SMG8: variants seen among roughly 807,000 people sequenced by gnomAD.
SMG8 encodes nonsense-mediated mRNA decay factor SMG8.
In SMG8, 49 loss-of-function variants were observed where a neutral mutation model predicts 82.1. The ratio of observed to expected loss-of-function variants is 0.60; its 90% CI spans 0.47 to 0.76. The LOEUF (loss-of-function observed/expected upper bound fraction) is 0.76, where lower values mean the gene tolerates loss of function less well. Ranked by LOEUF, SMG8 falls within the 30% of genes least tolerant of loss-of-function variation. The pLI, the probability that SMG8 is intolerant of heterozygous loss-of-function variation, is 0.00. For missense variants in SMG8, 969 were observed against 1,166.4 expected, an observed-to-expected ratio of 0.83 and a Z score of 2.46; for synonymous variants, 404 against 430.0, an observed-to-expected ratio of 0.94 and a Z score of 0.75.
rs2046961084 is a variant in SMG8 at position 59,214,948 on chromosome 17, G to T, written c.2922G>T (p.Val974=). Residue 974 remains valine, a synonymous_variant, in exon 4 of 4, where the codon GTG becomes GTT. Coordinates refer to ENST00000300917, the MANE Select transcript of SMG8 (RefSeq NM_018149.7). ...CTTGTTTCCCCCCTAAGGAAAATGTGCAGTTAATGAGCTACAAGGTGCTCC... is the reference window on the plus strand; with the variant it reads ...CTTGTTTCCCCCCTAAGGAAAATGTTCAGTTAATGAGCTACAAGGTGCTCC... ...RGPCFPPKEN[V]QLMSYKVLRG... 1 of 872,784 alleles carries T rather than the reference G, an allele frequency of 1.1e-6. No individual in the cohort carries two copies. Among genetic ancestry groups the T allele is most frequent in the South Asian group, 1.3e-5 (1 of 76,540 alleles). The allele number at this position is 872,784 out of a possible 1,614,324, so 54.1% of individuals were successfully genotyped here.
Position 59,213,200 on chromosome 17 carries a change from A to G in SMG8, c.2377A>G (p.Asn793Asp), listed in dbSNP as rs758578300. ...LDQQGFIPGT[N>D]YLMPWDIVIR... is the part of the protein sequence containing the mutation. ...CCAACAGGGCTTTATTCCAGGAACA[A>G]ATTATCTTATGCCTTGGGACATTGT... is the stretch of plus-strand genomic sequence containing the variant. The change falls in exon 3 of 4, where the codon AAT becomes GAT. Residue 793 changes from asparagine to aspartate, a missense_variant. By Grantham distance (23) the Asn-to-Asp change is conservative. Coordinates refer to ENST00000300917, the MANE Select transcript of SMG8 (RefSeq NM_018149.7). 6.2e-7 allele frequency: 1 copy of G among 1,614,180 alleles called. No homozygotes were observed. The highest frequency in any genetic ancestry group is 8.5e-7 in the Non-Finnish European group (1 of 1,180,034).
In SMG8 at chr17:59,212,973, G is replaced by A. The variant is rs1311499736; in HGVS notation, c.2150G>A (p.Gly717Glu). Residue 717 changes from glycine to glutamate, a missense_variant, in exon 3 of 4, where the codon GGA becomes GAA. Physicochemically the swap from Gly to Glu is moderately conservative, Grantham distance 98. This residue lies in a region of SMG8 where 662 missense variants were observed against 884.8 expected (regional missense o/e 0.75). Coordinates refer to ENST00000300917, the MANE Select transcript of SMG8 (RefSeq NM_018149.7). ...GTYPADPQAG[G>E]DNPEVHGQVE... ...TATCCAGCTGATCCACAAGCAGGAG[G>A]AGATAATCCAGAAGTTCATGGTCAA... is the stretch of plus-strand genomic sequence containing the variant. 4.3e-6 allele frequency: 7 copies of A among 1,614,044 alleles called. No homozygotes were observed. Among genetic ancestry groups the A allele is most frequent in the Non-Finnish European group, 5.9e-6 (7 of 1,180,050 alleles).
Position 59,211,138 on chromosome 17 carries a change from G to T in SMG8, c.1087G>T (p.Asp363Tyr), listed in dbSNP as rs746110906. 6.2e-7 allele frequency: 1 copy of T among 1,614,184 alleles called. No individual in the cohort carries two copies. Among genetic ancestry groups the T allele is most frequent in the Middle Eastern group, 1.7e-4 (1 of 6,060 alleles). ...DQLRSHCTVK[D>Y]PESLLVPAPL... ...ACTTAGGAGTCATTGTACTGTGAAG[G>T]ACCCGGAATCTTTGCTGGTGCCTGC... The change falls in exon 1 of 4, where the codon GAC (aspartate) becomes TAC (tyrosine). Residue 363 changes from aspartate (D) to tyrosine (Y), a missense_variant. Asp to Tyr is a radical substitution (Grantham distance 160). Around this residue, in one of 3 missense-constraint regions of SMG8, gnomAD observed 662 missense variants for 884.8 expected, o/e 0.75. Coordinates refer to ENST00000300917, the MANE Select transcript of SMG8 (RefSeq NM_018149.7).
chr17:59,211,341 T>C lies in SMG8; in HGVS notation c.1290T>C (p.Ser430=), dbSNP rs1568332156. The stretch of plus-strand genomic sequence containing the variant: ...TAAGCAAGAAAGGTTTCGATGACAG[T>C]GTGGGCAGGAACCCACAGCCTTCCC... ...LVLSKKGFDD[S]VGRNPQPSHF... is the part of the protein sequence containing the mutation. Residue 430 remains serine, a synonymous_variant, in exon 1 of 4, where the codon AGT becomes AGC. Transcript: ENST00000300917. 6 of 1,614,060 alleles carry C rather than the reference T, an allele frequency of 3.7e-6. No individual in the cohort carries two copies. The highest frequency in any genetic ancestry group is 5.1e-6 in the Non-Finnish European group (6 of 1,180,016).
chr17:59,210,042 G>T lies in SMG8; in HGVS notation c.-10G>T. 10 of 1,528,378 alleles carry T rather than the reference G, an allele frequency of 6.5e-6. No homozygotes were observed. The highest frequency in any genetic ancestry group is 4.2e-5 in the African/African-American group (3 of 71,782). The allele number at this position is 1,528,378 out of a possible 1,614,324, so 94.7% of individuals were successfully genotyped here. ...ACGGACCGGAAGGACTCTAGAGAAC[G>T]CTCTGCACTATGGCTGGTCCCGTGA... is the stretch of plus-strand genomic sequence containing the variant. On this transcript the variant is annotated 5_prime_UTR_variant, in exon 1 of 4. Coordinates refer to ENST00000300917, the MANE Select transcript of SMG8 (RefSeq NM_018149.7).
In SMG8 at chr17:59,210,046, TGC is replaced by T; in HGVS notation, c.-5_-4del. ...ACCGGAAGGACTCTAGAGAACGCTC[TGC>T]ACTATGGCTGGTCCCGTGAGCTTGC... On this transcript the variant is annotated 5_prime_UTR_variant, in exon 1 of 4. Transcript: ENST00000300917. 2.0e-6 allele frequency: 3 copies of T among 1,533,190 alleles called. No individual in the cohort carries two copies. Among genetic ancestry groups the T allele is most frequent in the Non-Finnish European group, 2.6e-6 (3 of 1,146,900 alleles). 95.0% of individuals were successfully genotyped at this position (1,533,190 alleles called of 1,614,324 possible).
rs1222455515 is a variant in SMG8, at chr17:59,210,166, G to C, written c.115G>C (p.Glu39Gln). The change falls in exon 1 of 4, where the codon GAG (glutamate) becomes CAG (glutamine). Residue 39 changes from glutamate to glutamine, a missense_variant. Physicochemically the swap from Glu to Gln is conservative, Grantham distance 29 (BLOSUM62 2). This residue lies in a region of SMG8 where 206 missense variants were observed against 190.5 expected (regional missense o/e 1.08). Coordinates refer to ENST00000300917, the MANE Select transcript of SMG8 (RefSeq NM_018149.7). ...CGGAGGGAGCGCGGCTGGCGGACCGGAGCCTCCATGGCGGGAGGATGAGAT... is the reference window on the plus strand; with the variant it reads ...CGGAGGGAGCGCGGCTGGCGGACCGCAGCCTCCATGGCGGGAGGATGAGAT... ...EGGGSAAGGP[E>Q]PPWREDEICV... The C allele has an allele frequency of 6.3e-7, 1 of 1,591,104 alleles. No individual in the cohort carries two copies. Among genetic ancestry groups the C allele is most frequent in the Non-Finnish European group, 8.6e-7 (1 of 1,169,102 alleles).
rs778776608 is a variant in SMG8 at position 59,212,806 on chromosome 17, T to G, written c.1983T>G (p.Ala661=). 6.2e-7 allele frequency: 1 copy of G among 1,614,092 alleles called. No individual in the cohort carries two copies. Among genetic ancestry groups the G allele is most frequent in the Non-Finnish European group, 8.5e-7 (1 of 1,180,014 alleles). The change falls in exon 3 of 4, where the codon GCT becomes GCG. Residue 661 remains alanine, a synonymous_variant. Transcript: ENST00000300917. ...TTGAACCAAGTACTCCAGATCCTGC[T>G]CCTGCTAAAAATGAATCCTCTCCTG... The part of the protein sequence containing the change: ...PVFEPSTPDP[A]PAKNESSPAP...
chr17:59,213,747 G>GATT, intron 3 of SMG8, 146 bp downstream of exon 3: 1 of 1,102,164 alleles, frequency 9.1e-7, no homozygotes, highest in Non-Finnish European at 1.3e-6. Context: ...AGAACTTTGG[G>GATT]AGGCCAAGGT....
chr17:59,213,216 G>A lies in SMG8; in HGVS notation c.2393G>A (p.Trp798Ter). The change falls in exon 3 of 4, where the codon TGG becomes TAG. Residue 798 changes from tryptophan (W) to a stop codon, truncating the protein, a stop_gained. Coordinates refer to ENST00000300917, the MANE Select transcript of SMG8 (RefSeq NM_018149.7). LOFTEE classifies it high-confidence loss of function. The stretch of plus-strand genomic sequence containing the variant: ...CCAGGAACAAATTATCTTATGCCTT[G>A]GGACATTGTCATCAGGACTAGAGCT... ...FIPGTNYLMP[W>*]DIVIRTRAED... 2 of 1,614,146 alleles carry A rather than the reference G, an allele frequency of 1.2e-6. No homozygotes were observed. The highest frequency in any genetic ancestry group is 1.7e-6 in the Non-Finnish European group (2 of 1,180,048).
At position 59,212,957 on chromosome 17, in the gene SMG8, G is replaced by A; in HGVS notation, c.2134G>A (p.Asp712Asn). The change falls in exon 3 of 4, where the codon GAT becomes AAT. Residue 712 changes from aspartate to asparagine, a missense_variant. By Grantham distance (23) the Asp-to-Asn change is conservative (BLOSUM62 1). Around this residue, in one of 3 missense-constraint regions of SMG8, gnomAD observed 662 missense variants for 884.8 expected, o/e 0.75. Transcript: ENST00000300917. Reference protein sequence around the residue: ...STDSLGTYPADPQAGGDNPEV... With the variant: ...STDSLGTYPANPQAGGDNPEV... ...AGATAGCTTAGGTACCTATCCAGCT[G>A]ATCCACAAGCAGGAGGAGATAATCC... 6.2e-7 allele frequency: 1 copy of A among 1,614,170 alleles called. No homozygotes were observed. Among genetic ancestry groups the A allele is most frequent in the Non-Finnish European group, 8.5e-7 (1 of 1,180,042 alleles).
At chr17:59,214,389 A>C (rs987526652) in intron 3 of SMG8, among the ~76,000 whole-genome samples, 1 of 151,996 alleles carries the variant, frequency 6.6e-6, no homozygotes, top group Non-Finnish European at 1.5e-5. Flanking sequence ...ATATCTGCTT[A>C]ATCTTATATA....
rs2046953994 is a variant in SMG8, at chr17:59,213,391, T to A, written c.2568T>A (p.Gly856=). The change falls in exon 3 of 4, where the codon GGT becomes GGA. Residue 856 remains glycine, a synonymous_variant. Transcript: ENST00000300917. ...GCTTTGAATATGAAGACTCTCGAGG[T>A]CGGAGATTCATGTGCTCTGGGCCTG... ...FVGFEYEDSR[G]RRFMCSGPDK... 6.2e-7 allele frequency: 1 copy of A among 1,613,936 alleles called. No homozygotes were observed. The highest frequency in any genetic ancestry group is 8.5e-7 in the Non-Finnish European group (1 of 1,180,034).
rs1338024392 is a variant in SMG8, at chr17:59,210,693, T to A, written c.642T>A (p.His214Gln). 3 of 1,613,988 alleles carry A rather than the reference T, an allele frequency of 1.9e-6. No homozygotes were observed. The highest frequency in any genetic ancestry group is 2.5e-6 in the Non-Finnish European group (3 of 1,180,014). The change falls in exon 1 of 4, where the codon CAT (histidine) becomes CAA (glutamine). Residue 214 changes from histidine to glutamine, a missense_variant. By Grantham distance (24) the His-to-Gln change is conservative (BLOSUM62 0). Coordinates refer to ENST00000300917, the MANE Select transcript of SMG8 (RefSeq NM_018149.7). The stretch of plus-strand genomic sequence containing the variant: ...TCTGTCATATCTTGCTTCTGGTCCA[T>A]CCCACTTGTTCCTTTGATATCACTT... ...FSVCHILLLV[H>Q]PTCSFDITYD...
rs188591680 is a variant in SMG8, at chr17:59,215,186, C to T, written c.*184C>T. 31 of 532,264 alleles carry T rather than the reference C, an allele frequency of 5.8e-5. No homozygotes were observed. Among genetic ancestry groups the T allele is most frequent in the Non-Finnish European group, 8.0e-5 (24 of 300,464 alleles). 33.0% of individuals were successfully genotyped at this position (532,264 alleles called of 1,614,324 possible). A position where few individuals can be genotyped will look rare whatever the true frequency, so the allele number is the denominator to read the frequency against. ...TTATATTGTTGATATTTATTGTAAACGTGACTACAACTTTCTAATAAAGAT... is the reference window on the plus strand; with the variant it reads ...TTATATTGTTGATATTTATTGTAAATGTGACTACAACTTTCTAATAAAGAT... On this transcript the variant is annotated 3_prime_UTR_variant, in exon 4 of 4. Transcript: ENST00000300917.
rs2046951612 is a variant in SMG8, at chr17:59,212,882, C to G, written c.2059C>G (p.Gln687Glu). The stretch of plus-strand genomic sequence containing the variant: ...ACTTAAAGAAAAAGAACCTCAAACC[C>G]AAGGAGAGAGCACGAGCCTGAGTTT... The part of the protein sequence containing the change: ...DKLKEKEPQT[Q>E]GESTSLSLAL... Residue 687 changes from glutamine (Q) to glutamate (E), a missense_variant, in exon 3 of 4, where the codon CAA becomes GAA. Gln to Glu is a conservative substitution (Grantham distance 29). This residue lies in a region of SMG8 where 662 missense variants were observed against 884.8 expected (regional missense o/e 0.75). Coordinates refer to ENST00000300917, the MANE Select transcript of SMG8 (RefSeq NM_018149.7). 1.2e-6 allele frequency: 2 copies of G among 1,613,920 alleles called. No individual in the cohort carries two copies. Among genetic ancestry groups the G allele is most frequent in the Admixed American group, 3.3e-5 (2 of 59,952 alleles).
rs747387982 is a variant in SMG8 at position 59,212,348 on chromosome 17, A to C, written c.1767A>C (p.Lys589Asn). The change falls in exon 2 of 4, where the codon AAA (lysine) becomes AAC (asparagine). Residue 589 changes from lysine to asparagine, a missense_variant. This residue lies in a region of SMG8 where 662 missense variants were observed against 884.8 expected (regional missense o/e 0.75). Coordinates refer to ENST00000300917, the MANE Select transcript of SMG8 (RefSeq NM_018149.7). Reference sequence around the variant, plus strand: ...GGCTGTTATATTTTCCAGGAGAAAAACCAGAGGCTGATAGAAATCCGCCTG... The same window carrying C: ...GGCTGTTATATTTTCCAGGAGAAAACCCAGAGGCTGATAGAAATCCGCCTG... ...KFHSLPKSGE[K>N]PEADRNPPVL... 33 of 1,562,846 alleles carry C rather than the reference A, an allele frequency of 2.1e-5. No individual in the cohort carries two copies. Among genetic ancestry groups the C allele is most frequent in the Non-Finnish European group, 2.6e-5 (30 of 1,145,738 alleles).
At position 59,210,106 on chromosome 17, in the gene SMG8, G is replaced by C; in HGVS notation, c.55G>C (p.Gly19Arg). 1 of 1,585,150 alleles carries C rather than the reference G, an allele frequency of 6.3e-7. No homozygotes were observed. Among genetic ancestry groups the C allele is most frequent in the Non-Finnish European group, 8.6e-7 (1 of 1,167,890 alleles). ...TCTAATGGGAGCATCAGCCTGGATG[G>C]GCTCTGAAAGTCCCGGAGGGTCCCC... is the stretch of plus-strand genomic sequence containing the variant. The part of the protein sequence containing the change: ...DLLMGASAWM[G>R]SESPGGSPTE... The change falls in exon 1 of 4, where the codon GGC becomes CGC. Residue 19 changes from glycine to arginine, a missense_variant. Physicochemically the swap from Gly to Arg is moderately radical, Grantham distance 125. Transcript: ENST00000300917.
chr17:59,211,959 T>C (rs2046947629), intron 1 of SMG8, 149 bp downstream of exon 1: 6 of 628,410 alleles, frequency 9.5e-6, no homozygotes, highest in Non-Finnish European at 1.2e-5. Context: ...TCTCTCCTGC[T>C]GTAAAAGGAA....
Sources: allele counts gnomAD v4.1 joint callset (sites outside exome capture counted in the v4.1 genomes callset), GRCh38; gene constraint gnomAD v4.1.1; regional missense constraint gnomAD v4.1.1; transcripts MANE v1.5; gene names NCBI Gene and HGNC (gene_info 2026-07-23, HGNC 2026-07-21).